Variants in FGF9 observed in about 807,000 individuals in gnomAD.
FGF9 encodes fibroblast growth factor 9 (glia-activating factor).
FGF9 carries 3 observed loss-of-function variants against 19.9 expected under a neutral mutation model. The observed-to-expected ratio is 0.15, with a 90% CI of 0.07 to 0.39. The LOEUF is 0.39. Among genes scored for constraint, FGF9 ranks in the 10% least tolerant of loss-of-function variants. The pLI, the probability that FGF9 is intolerant of heterozygous loss-of-function variation, is 1.00. For synonymous variants in FGF9, 107 were observed against 106.9 expected (o/e 1.00, Z -0.01); for missense variants, 175 against 256.8 (o/e 0.68, Z 2.18).
Position 21,691,979 on chromosome 13 carries a change from C to CTTTTTTTTTTTTTT in FGF9, c.382-9210_382-9197dup. ...TGACATTAATTGATTCCCTTTTAAT[C>CTTTTTTTTTTTTTT]TTTTTTTTTTTTTTGTAATTCTTCA... On this transcript the variant is annotated intron_variant, in intron 2 of 2. Transcript: ENST00000382353. This position sits in a 1 kb window ranked among gnomAD's most constrained non-coding sequence, Gnocchi z 4.2. 6.9e-6 allele frequency among the ~76,000 whole-genome samples: 1 copy of CTTTTTTTTTTTTTT among 145,306 alleles called. No homozygotes were observed. The highest frequency in any genetic ancestry group is 1.5e-5 in the Non-Finnish European group (1 of 66,244).
intron 1 of FGF9, among the ~76,000 whole-genome samples, chr13:21,678,309 TAA>T (rs1871961148): frequency 6.6e-6 from 1 of 152,110 alleles, no homozygotes; most frequent in Non-Finnish European, 1.5e-5. Flanking sequence ...ACAGAAACAT[TAA>T]AAAAGGTAAA....
At chr13:21,679,120 A>T (rs75377726) in intron 1 of FGF9, among the ~76,000 whole-genome samples, 6 of 152,240 alleles carry the variant, frequency 3.9e-5, no homozygotes, top group Non-Finnish European at 8.8e-5. Context: ...CTTCTTTTGC[A>T]TGTATTCTCC....
chr13:21,678,432 G>A (rs61944940), intron 1 of FGF9, among the ~76,000 whole-genome samples: 1 of 152,146 alleles, frequency 6.6e-6, no homozygotes, highest in South Asian at 2.1e-4. Flanking sequence ...GTACACTGGG[G>A]ATTAGAATAT....
intron 2 of FGF9, among the ~76,000 whole-genome samples, chr13:21,682,386 A>C (rs1275987353): frequency 6.6e-6 from 1 of 152,186 alleles, no homozygotes; most frequent in African/African-American, 2.4e-5. Context: ...GCTTAGAATG[A>C]GGAAAGATTT....
chr13:21,674,958 C>T (rs1406546213), intron 1 of FGF9, among the ~76,000 whole-genome samples: 2 of 146,828 alleles, frequency 1.4e-5, no homozygotes, highest in East Asian at 4.1e-4. Flanking sequence ...AAGGTGTTGT[C>T]AGGGAAGTGG....
intron 2 of FGF9, among the ~76,000 whole-genome samples, chr13:21,690,715 G>A (rs947570333): frequency 2.0e-5 from 3 of 152,186 alleles, no homozygotes; most frequent in African/African-American, 4.8e-5. Flanking sequence ...CCATGCACAC[G>A]CTCCCAGCTG....
At chr13:21,687,097 A>C (rs1872179865) in intron 2 of FGF9, among the ~76,000 whole-genome samples, 1 of 152,212 alleles carries the variant, frequency 6.6e-6, no homozygotes, top group South Asian at 2.1e-4. Flanking sequence ...CCATGTAATC[A>C]GTAACCAAGG....
At chr13:21,687,652 C>T (rs1433897460) in intron 2 of FGF9, among the ~76,000 whole-genome samples, 4 of 152,160 alleles carry the variant, frequency 2.6e-5, no homozygotes, top group South Asian at 2.1e-4. Flanking sequence ...TTCCCCTGCC[C>T]CACTTCTTCC....
intron 1 of FGF9, among the ~76,000 whole-genome samples, chr13:21,676,841 T>G (rs1025303459): frequency 6.6e-6 from 1 of 152,128 alleles, no homozygotes; most frequent in Admixed American, 6.5e-5. Context: ...TTGCCTGGCC[T>G]TGGAGGTGAG....
intron 2 of FGF9, among the ~76,000 whole-genome samples, chr13:21,700,627 A>C (rs1451623810): frequency 6.6e-6 from 1 of 152,234 alleles, no homozygotes; most frequent in Non-Finnish European, 1.5e-5. Context: ...TTTATAAAAT[A>C]TATACTGGTG....
chr13:21,694,845 C>T (rs1872367310), intron 2 of FGF9, among the ~76,000 whole-genome samples: 1 of 152,190 alleles, frequency 6.6e-6, no homozygotes, highest in African/African-American at 2.4e-5. Flanking sequence ...TTCTATTATT[C>T]CCTGAGCAAG....
At position 21,672,164 on chromosome 13, in the gene FGF9, A is replaced by G; in HGVS notation, c.252A>G (p.Gly84=). Residue 84 remains glycine, a synonymous_variant, in exon 1 of 3, where the codon GGA becomes GGG. Coordinates refer to ENST00000382353, the MANE Select transcript of FGF9 (RefSeq NM_002010.3). The surrounding 1 kb of genome is among the most constrained non-coding windows in gnomAD (Gnocchi z 4.2). ...TCTTCCCCAATGGTACTATCCAGGG[A>G]ACCAGGAAAGACCACAGCCGATTTG... The part of the protein sequence containing the change: ...LEIFPNGTIQ[G]TRKDHSRFGI... 1 of 1,614,238 alleles carries G rather than the reference A, an allele frequency of 6.2e-7. No individual in the cohort carries two copies. Among genetic ancestry groups the G allele is most frequent in the East Asian group, 2.2e-5 (1 of 44,886 alleles).
chr13:21,698,043 C>G lies in FGF9; in HGVS notation c.382-3147C>G, dbSNP rs944749188. Among the ~76,000 whole-genome samples the G allele has an allele frequency of 5.3e-4, 80 of 152,110 alleles. 6 individuals carry two copies. The highest frequency in any genetic ancestry group is 2.9e-5 in the Non-Finnish European group (2 of 68,016). On this transcript the variant is annotated intron_variant, in intron 2 of 2. Transcript: ENST00000382353. ...CAGGATGGTCTCGATCTCCTGACCT[C>G]GTGATCCGCCCGCCTCGGCCTCCCA...
chr13:21,685,367 G>GT (rs1872135064), intron 2 of FGF9, among the ~76,000 whole-genome samples: 1 of 152,248 alleles, frequency 6.6e-6, no homozygotes, highest in South Asian at 2.1e-4. Flanking sequence ...TTGTTTGCTT[G>GT]TTTTTGTCTT....
chr13:21,690,012 C>A (rs561351594), intron 2 of FGF9, among the ~76,000 whole-genome samples: 1 of 152,286 alleles, frequency 6.6e-6, no homozygotes, highest in African/African-American at 2.4e-5. Flanking sequence ...CCTGGAGAAC[C>A]CCTCAACCAG....
At chr13:21,698,629 T>C (rs17070679) in intron 2 of FGF9, among the ~76,000 whole-genome samples, 83 of 152,238 alleles carry the variant, frequency 5.5e-4, no homozygotes, top group African/African-American at 1.9e-3. Flanking sequence ...GCTGGGACTT[T>C]TGTGTATCTG....
intron 2 of FGF9, among the ~76,000 whole-genome samples, chr13:21,698,057 C>T (rs1309034791): frequency 6.6e-6 from 1 of 152,154 alleles, no homozygotes; most frequent in Non-Finnish European, 1.5e-5. Context: ...ATCCGCCCGC[C>T]TCGGCCTCCC....
At position 21,672,306 on chromosome 13, in the gene FGF9, C is replaced by A; in HGVS notation, c.277+117C>A. The A allele has an allele frequency of 9.1e-7, 1 of 1,097,770 alleles. No individual in the cohort carries two copies. The highest frequency in any genetic ancestry group is 1.4e-6 in the Non-Finnish European group (1 of 725,934). The allele number at this position is 1,097,770 out of a possible 1,614,324, so 68.0% of individuals were successfully genotyped here. A position where few individuals can be genotyped will look rare whatever the true frequency, so the allele number is the denominator to read the frequency against. ...AGGGTTCTCCCCTCCTCCCCTCTTT[C>A]TCTGTATCTCTGTCTCTCTCTCTCT... On this transcript the variant is annotated intron_variant, in intron 1 of 2. Transcript: ENST00000382353. This position sits in a 1 kb window ranked among gnomAD's most constrained non-coding sequence, Gnocchi z 4.2.
intron 2 of FGF9, among the ~76,000 whole-genome samples, chr13:21,697,531 A>C (rs1248579765): frequency 6.6e-6 from 1 of 152,142 alleles, no homozygotes; most frequent in Non-Finnish European, 1.5e-5. Flanking sequence ...CCTGCTAGGG[A>C]AATAGGGCAG....
Sources: allele counts gnomAD v4.1 joint callset (sites outside exome capture counted in the v4.1 genomes callset), GRCh38; gene constraint gnomAD v4.1.1; non-coding constraint Gnocchi (gnomAD v3.1); transcripts MANE v1.5; gene names NCBI Gene and HGNC (gene_info 2026-07-23, HGNC 2026-07-21).